Variants in ZBTB20 observed in about 807,000 individuals in gnomAD.
The protein encoded by ZBTB20 is zinc finger and BTB domain containing 20.
ZBTB20 carries 9 observed loss-of-function variants against 56.9 expected under a neutral mutation model. The observed-to-expected ratio is 0.16, with a 90% CI of 0.10 to 0.28. The LOEUF is 0.28. Among genes scored for constraint, ZBTB20 ranks in the 10% least tolerant of loss-of-function variants. The pLI is 1.00. For synonymous variants in ZBTB20, 417 were observed against 420.7 expected, an observed-to-expected ratio of 0.99 and a Z score of 0.11; for missense variants, 655 against 1,003.0, an observed-to-expected ratio of 0.65 and a Z score of 4.69.
chr3:114,748,114 T>C (rs1426728278), intron 5 of ZBTB20, among the ~76,000 whole-genome samples: 1 of 151,936 alleles, frequency 6.6e-6, no homozygotes, highest in African/African-American at 2.4e-5. Flanking sequence ...GAAAAGGAAA[T>C]TGAACATTCA....
chr3:114,338,939 CTTT>C lies in ZBTB20; in HGVS notation c.*63_*65del. The stretch of plus-strand genomic sequence containing the variant: ...CATTTCTTAAATTCTAGTGCCATAG[CTTT>C]TTTGTTTGTTTGTTTTTTGTTGTTG... On this transcript the variant is annotated 3_prime_UTR_variant, in exon 12 of 12. Coordinates refer to ENST00000675478, the MANE Select transcript of ZBTB20 (RefSeq NM_001348800.3). 6.9e-7 allele frequency: 1 copy of C among 1,442,824 alleles called. No homozygotes were observed. Among genetic ancestry groups the C allele is most frequent in the Non-Finnish European group, 9.2e-7 (1 of 1,088,054 alleles). The allele number at this position is 1,442,824 out of a possible 1,614,324, so 89.4% of individuals were successfully genotyped here.
chr3:114,521,461 T>C (rs945799267), intron 6 of ZBTB20, among the ~76,000 whole-genome samples: 2 of 152,196 alleles, frequency 1.3e-5, no homozygotes, highest in African/African-American at 4.8e-5. Context: ...CTGATAAAGG[T>C]AGACAATATT....
intron 5 of ZBTB20, among the ~76,000 whole-genome samples, chr3:114,709,108 C>T (rs1475311855): frequency 2.0e-5 from 3 of 152,058 alleles, no homozygotes; most frequent in Non-Finnish European, 4.4e-5. Context: ...AATAAAAAAT[C>T]TTATTAAATC....
chr3:114,963,978 T>C (rs1326075395), intron 3 of ZBTB20, among the ~76,000 whole-genome samples: 1 of 152,228 alleles, frequency 6.6e-6, no homozygotes, highest in Non-Finnish European at 1.5e-5. Flanking sequence ...ACTGACCATG[T>C]AGTTTCTTTA....
chr3:115,138,166 G>A (rs1367002651), intron 1 of ZBTB20, among the ~76,000 whole-genome samples: 1 of 151,936 alleles, frequency 6.6e-6, no homozygotes, highest in African/African-American at 2.4e-5. Flanking sequence ...TATTCAGTCG[G>A]GTTTGATTTA....
At chr3:114,787,981 G>A (rs1188257606) in intron 5 of ZBTB20, among the ~76,000 whole-genome samples, 1 of 152,036 alleles carries the variant, frequency 6.6e-6, no homozygotes, top group Non-Finnish European at 1.5e-5. Context: ...AGTCATTACT[G>A]CCTGTTAATC....
rs1234013523 is a variant in ZBTB20, at chr3:114,318,055, GC to G, written c.*20949del. 1 of 152,176 alleles carries G rather than the reference GC, an allele frequency of 6.6e-6. No homozygotes were observed. The highest frequency in any genetic ancestry group is 1.5e-5 in the Non-Finnish European group (1 of 68,020). 9.4% of individuals were successfully genotyped at this position (152,176 alleles called of 1,614,324 possible). A position where few individuals can be genotyped will look rare whatever the true frequency, so the allele number is the denominator to read the frequency against. On this transcript the variant is annotated 3_prime_UTR_variant, in exon 12 of 12. Transcript: ENST00000675478. ...AATATCTCCAGTTCATCATGGTACA[GC>G]TTTTGGTGTTTCCCTTTTCCCTTCC...
intron 7 of ZBTB20, among the ~76,000 whole-genome samples, chr3:114,393,564 G>C (rs1026878791): frequency 5.3e-5 from 8 of 152,120 alleles, no homozygotes; most frequent in Non-Finnish European, 1.2e-4. Context: ...CTATTAATCA[G>C]AACCACTGCA....
chr3:114,734,389 A>G (rs914977649), intron 5 of ZBTB20, among the ~76,000 whole-genome samples: 4 of 152,060 alleles, frequency 2.6e-5, no homozygotes, highest in Non-Finnish European at 4.4e-5. Flanking sequence ...CAAGCTGTTG[A>G]AAAAAACTGT....
chr3:114,893,304 G>T (rs1328963382), intron 4 of ZBTB20, among the ~76,000 whole-genome samples: 1 of 152,144 alleles, frequency 6.6e-6, no homozygotes, highest in Non-Finnish European at 1.5e-5. Context: ...GGAATGGGCA[G>T]CTCTCCAGCT....
chr3:114,612,438 A>C (rs1486429209), intron 6 of ZBTB20, among the ~76,000 whole-genome samples: 1 of 152,182 alleles, frequency 6.6e-6, no homozygotes. Flanking sequence ...CTGTGAATTA[A>C]GTTTAGCATC....
At chr3:114,912,708 C>T (rs2075590423) in intron 3 of ZBTB20, among the ~76,000 whole-genome samples, 1 of 151,942 alleles carries the variant, frequency 6.6e-6, no homozygotes, top group East Asian at 1.9e-4. Flanking sequence ...CTCCTTCTTT[C>T]TAGCTATCGT....
intron 7 of ZBTB20, among the ~76,000 whole-genome samples, chr3:114,417,574 G>A (rs1159791361): frequency 2.0e-5 from 3 of 152,058 alleles, no homozygotes; most frequent in Non-Finnish European, 1.5e-5. Flanking sequence ...ATAAAAGGTA[G>A]TATCATTTCT....
intron 3 of ZBTB20, among the ~76,000 whole-genome samples, chr3:114,958,690 A>G (rs555502178): frequency 2.0e-5 from 3 of 152,138 alleles, no homozygotes; most frequent in Admixed American, 6.5e-5. Context: ...TCTACTAAAA[A>G]TACAAAAAAT....
intron 3 of ZBTB20, among the ~76,000 whole-genome samples, chr3:114,950,603 A>C (rs2077033266): frequency 6.6e-6 from 1 of 152,198 alleles, no homozygotes; most frequent in African/African-American, 2.4e-5. Flanking sequence ...AATAACATTG[A>C]AAATTATTTG....
intron 4 of ZBTB20, among the ~76,000 whole-genome samples, chr3:114,883,065 A>G (rs941169040): frequency 7.2e-5 from 11 of 152,352 alleles, no homozygotes; most frequent in African/African-American, 2.6e-4. Flanking sequence ...AAATTAGCTC[A>G]AAGAATAATC....
rs183043108 is a variant in ZBTB20 at position 114,997,936 on chromosome 3, T to C, written c.-506-23520A>G. Among the ~76,000 whole-genome samples the C allele has an allele frequency of 4.4e-4, 67 of 151,884 alleles. No individual in the cohort carries two copies. In the East Asian group the frequency reaches 0.011, roughly 26 times the overall value. On this transcript the variant is annotated intron_variant, in intron 2 of 11. Transcript: ENST00000675478. ...GAGCAAAGGTAGAAAGGGTAAATAA[T>C]TTGTTCAACATTAGCCAGCTAGAAA... is the stretch of plus-strand genomic sequence containing the variant.
At position 114,877,149 on chromosome 3, in the gene ZBTB20, C is replaced by A. The variant is rs1203734660; in HGVS notation, c.-417+23155G>T. The stretch of plus-strand genomic sequence containing the variant: ...CAAGCCTGAGAAATTGTTTCAATAA[C>A]TATATGCTAGAGAATACAAAGGTGT... On this transcript the variant is annotated intron_variant, in intron 4 of 11. Transcript: ENST00000675478. Among the ~76,000 whole-genome samples, 6 of 152,282 alleles carry A rather than the reference C, an allele frequency of 3.9e-5. No individual in the cohort carries two copies. The East Asian group carries it at 1.2e-3, about 29-fold the overall frequency.
chr3:114,606,203 G>A (rs1344379468), intron 6 of ZBTB20, among the ~76,000 whole-genome samples: 1 of 152,132 alleles, frequency 6.6e-6, no homozygotes, highest in Non-Finnish European at 1.5e-5. Flanking sequence ...GTCTCTGGAA[G>A]CATGGTTCTT....
Sources: allele counts gnomAD v4.1 joint callset (sites outside exome capture counted in the v4.1 genomes callset), GRCh38; gene constraint gnomAD v4.1.1; transcripts MANE v1.5; gene names NCBI Gene and HGNC (gene_info 2026-07-23, HGNC 2026-07-21).